The following NSD2 variants were observed in gnomAD, a reference collection of about 807,000 sequenced individuals.
NSD2 encodes the protein histone-lysine N-methyltransferase NSD2.
In NSD2, 12 loss-of-function variants were observed where a neutral mutation model predicts 139.0. The ratio of observed to expected loss-of-function variants is 0.09; its 90% confidence interval spans 0.06 to 0.14. The LOEUF is 0.14. NSD2 is among the 10% of genes least tolerant of loss of function. The pLI is 1.00. For synonymous variants in NSD2, 669 were observed against 648.7 expected (o/e 1.03, Z -0.48); for missense variants, 1,155 against 1,745.0 (o/e 0.66, Z 6.02).
chr4:1,961,257 C>T lies in NSD2; in HGVS notation c.3372+106C>T, dbSNP rs1326542846. ...CCTGTGGCAGCGCCAGCATTTGTCT[C>T]CTTAGCTGCTTATTTTCAAACATCT... On this transcript the variant is annotated intron_variant, in intron 18 of 21. Transcript: ENST00000508803. 38 of 845,006 alleles carry T rather than the reference C, an allele frequency of 4.5e-5. No homozygotes were observed. In the East Asian group the frequency reaches 7.7e-4, roughly 17 times the overall value. The allele number at this position is 845,006 out of a possible 1,614,324, so 52.3% of individuals were successfully genotyped here.
chr4:1,880,429 A>C (rs1714615273), intron 1 of NSD2, among the ~76,000 whole-genome samples: 1 of 152,144 alleles, frequency 6.6e-6, no homozygotes, highest in African/African-American at 2.4e-5. Flanking sequence ...TATTTCTGCC[A>C]GTCAGTGTGG....
At chr4:1,931,737 T>A (rs1721659098) in intron 6 of NSD2, among the ~76,000 whole-genome samples, 1 of 152,220 alleles carries the variant, frequency 6.6e-6, no homozygotes, top group Non-Finnish European at 1.5e-5. Flanking sequence ...TCATTAATCT[T>A]GAATTTGTTC....
chr4:1,925,778 TTTTGTTTGTTTG>T (rs531826079), intron 5 of NSD2, among the ~76,000 whole-genome samples: 2 of 151,164 alleles, frequency 1.3e-5, no homozygotes, highest in South Asian at 2.1e-4. Context: ...ATATATTTTT[TTTTGTTTGTTTG>T]TTTGTTTGTT....
chr4:1,896,385 G>T (rs1716306778), intron 1 of NSD2, among the ~76,000 whole-genome samples: 1 of 152,200 alleles, frequency 6.6e-6, no homozygotes, highest in African/African-American at 2.4e-5. Flanking sequence ...TTTGCATTAG[G>T]CAGTGTAGCT....
chr4:1,951,024 G>T (rs772299034), intron 9 of NSD2, 48 bp from the exon 10 acceptor site: 1 of 1,606,650 alleles, frequency 6.2e-7, no homozygotes, highest in East Asian at 2.2e-5. Context: ...ATGGCCACCC[G>T]CTGTGTTCTG....
chr4:1,969,883 C>T (rs1274008705), intron 18 of NSD2, among the ~76,000 whole-genome samples: 1 of 152,152 alleles, frequency 6.6e-6, no homozygotes, highest in Admixed American at 6.5e-5. Flanking sequence ...GGATTGGGAA[C>T]TTGTAGAACT....
At chr4:1,915,312 C>T (rs904950923) in intron 3 of NSD2, among the ~76,000 whole-genome samples, 2 of 151,992 alleles carry the variant, frequency 1.3e-5, no homozygotes, top group African/African-American at 4.8e-5. Flanking sequence ...AATGGGATTT[C>T]ACCGTGTTAG....
At chr4:1,899,169 A>T (rs1040354562) in intron 1 of NSD2, 1 of 152,234 alleles carries the variant, frequency 6.6e-6, no homozygotes, top group African/African-American at 2.4e-5. Flanking sequence ...TGGGACTTCA[A>T]CATTTTTTCA....
intron 11 of NSD2, 129 bp downstream of exon 11, chr4:1,952,360 C>T (rs1474903342): frequency 7.2e-7 from 1 of 1,390,612 alleles, no homozygotes; most frequent in Admixed American, 2.2e-5. Context: ...GCCTGGCCCT[C>T]TCTGGAGCTT....
chr4:1,947,324 G>C, intron 9 of NSD2: 1 of 1,062,222 alleles, frequency 9.4e-7, no homozygotes, highest in Non-Finnish European at 1.1e-6. Flanking sequence ...GTGACACTTG[G>C]TCCTTGCTGC....
intron 9 of NSD2, chr4:1,940,792 G>T (rs1723011521): frequency 9.4e-7 from 1 of 1,059,168 alleles, no homozygotes; most frequent in East Asian, 5.2e-5. Flanking sequence ...GTGTGCCTCA[G>T]TTGTTTCCAC....
Position 1,901,126 on chromosome 4 carries a change from G to A in NSD2, c.472G>A (p.Gly158Arg), listed in dbSNP as rs779235854. Reference protein sequence around the residue: ...AADVSQSEENGQKPENKARRN... With the variant: ...AADVSQSEENRQKPENKARRN... ...TGATGTGTCTCAGTCAGAAGAAAAT[G>A]GACAAAAACCAGAAAACAAGGCGAG... is the stretch of plus-strand genomic sequence containing the variant. Residue 158 changes from glycine (G) to arginine (R), a missense_variant, in exon 2 of 22, where the codon GGA becomes AGA. Gly to Arg is a moderately radical substitution (Grantham distance 125). Coordinates refer to ENST00000508803, the MANE Select transcript of NSD2 (RefSeq NM_001042424.3). 45 of 1,614,028 alleles carry A rather than the reference G, an allele frequency of 2.8e-5. No homozygotes were observed. The East Asian group carries it at 1.0e-3, about 36-fold the overall frequency.
At chr4:1,876,171 G>T (rs560196340) in intron 1 of NSD2, among the ~76,000 whole-genome samples, 1 of 151,620 alleles carries the variant, frequency 6.6e-6, no homozygotes, top group East Asian at 1.9e-4. Context: ...CTGAGATCGC[G>T]CCACTGCCCT....
intron 16 of NSD2, 135 bp from the exon 17 acceptor site, chr4:1,959,336 G>C: frequency 1.1e-6 from 1 of 946,600 alleles, no homozygotes; most frequent in Non-Finnish European, 1.6e-6. Flanking sequence ...GTTCTGAGTA[G>C]TGTGTCCTAG....
intron 11 of NSD2, 140 bp downstream of exon 11, chr4:1,952,371 G>A (rs747408787): frequency 4.6e-6 from 6 of 1,307,132 alleles, no homozygotes; most frequent in Admixed American, 4.8e-5. Flanking sequence ...TCTGGAGCTT[G>A]TAGCCCACAG....
At position 1,978,619 on chromosome 4, in the gene NSD2, A is replaced by T. The variant is rs73202836; in HGVS notation, c.3827-19A>T. ...GATTCCATCACTTCTGTGTGCTCACATCTTGTGTTCTGTTGCAGGGAAGTG... is the reference window on the plus strand; with the variant it reads ...GATTCCATCACTTCTGTGTGCTCACTTCTTGTGTTCTGTTGCAGGGAAGTG... On this transcript the variant is annotated intron_variant, in intron 21 of 21. Coordinates refer to ENST00000508803, the MANE Select transcript of NSD2 (RefSeq NM_001042424.3). 0.015 allele frequency: 23,593 copies of T among 1,591,080 alleles called. 197 individuals carry two copies. The highest frequency in any genetic ancestry group is 0.018 in the Non-Finnish European group (20,436 of 1,163,674).
chr4:1,964,253 G>A (rs949306114), intron 18 of NSD2, among the ~76,000 whole-genome samples: 4 of 152,238 alleles, frequency 2.6e-5, no homozygotes, highest in Middle Eastern at 3.4e-3. Flanking sequence ...AAACAGCAGC[G>A]GAGGTTAAAA....
rs766904018 is a variant in NSD2, at chr4:1,930,818, A to C, written c.1555+48A>C. 8.3e-6 allele frequency: 13 copies of C among 1,566,810 alleles called. No homozygotes were observed. The Admixed American group carries it at 1.8e-4, about 22-fold the overall frequency. ...GTCCTCTGCTTGGGTTGATGTGTGT[A>C]GTGTAGCAAGCTGAGCTCTGATCTT... On this transcript the variant is annotated intron_variant, in intron 6 of 21. Coordinates refer to ENST00000508803, the MANE Select transcript of NSD2 (RefSeq NM_001042424.3).
chr4:1,873,416 A>G (rs1474402951), intron 1 of NSD2, among the ~76,000 whole-genome samples: 1 of 152,248 alleles, frequency 6.6e-6, no homozygotes, highest in East Asian at 1.9e-4. Flanking sequence ...GCCATGCACA[A>G]CAAAATTATA....
Sources: gnomAD v4.1 joint callset for allele counts (sites outside exome capture counted in the v4.1 genomes callset) on GRCh38, gnomAD v4.1.1 for gene constraint, MANE v1.5 for transcripts, NCBI Gene and HGNC (gene_info 2026-07-23, HGNC 2026-07-21) for gene names.